The following TTLL11 variants were observed in gnomAD, a reference collection of about 807,000 sequenced individuals.
TTLL11 encodes tubulin tyrosine ligase like 11.
In TTLL11, 42 loss-of-function variants were observed where a neutral mutation model predicts 51.7. That is an observed-to-expected ratio of 0.81 (90% confidence interval 0.64 to 1.05). The LOEUF (loss-of-function observed/expected upper bound fraction) is 1.05, where lower values mean the gene tolerates loss of function less well. TTLL11 is among the 50% of genes least tolerant of loss of function. The pLI, the probability that TTLL11 is intolerant of heterozygous loss-of-function variation, is 0.00. For missense variants in TTLL11, 799 were observed against 940.4 expected, an observed-to-expected ratio of 0.85 and a Z score of 1.97; for synonymous variants, 381 against 383.5, an observed-to-expected ratio of 0.99 and a Z score of 0.08.
chr9:121,831,925 T>C (rs948528078), intron 8 of TTLL11, among the ~76,000 whole-genome samples: 6 of 152,044 alleles, frequency 3.9e-5, no homozygotes, highest in African/African-American at 7.2e-5. Context: ...AAGTCTGAGA[T>C]TGGGGTGCCA....
At chr9:121,908,113 A>G (rs1375618323) in intron 6 of TTLL11, among the ~76,000 whole-genome samples, 1 of 152,204 alleles carries the variant, frequency 6.6e-6, no homozygotes, top group Non-Finnish European at 1.5e-5. Flanking sequence ...AACATAAAGA[A>G]TGTGGAATGC....
intron 7 of TTLL11, among the ~76,000 whole-genome samples, chr9:121,864,777 A>T (rs141273786): frequency 6.6e-6 from 1 of 152,198 alleles, no homozygotes; most frequent in Non-Finnish European, 1.5e-5. Context: ...AGAATCACAA[A>T]TCATTTAAGT....
intron 6 of TTLL11, among the ~76,000 whole-genome samples, chr9:121,925,270 A>G (rs978590459): frequency 1.3e-5 from 2 of 152,252 alleles, no homozygotes; most frequent in African/African-American, 4.8e-5. Flanking sequence ...AGAGAAAGTG[A>G]CCAAATGTCA....
intron 2 of TTLL11, among the ~76,000 whole-genome samples, chr9:122,033,199 G>A (rs369033758): frequency 5.9e-5 from 9 of 152,130 alleles, no homozygotes; most frequent in African/African-American, 1.7e-4. Context: ...TGCAACCGCC[G>A]CCTCCTAGGT....
chr9:121,879,327 T>TG (rs1838687076), intron 6 of TTLL11, among the ~76,000 whole-genome samples: 2 of 152,242 alleles, frequency 1.3e-5, no homozygotes, highest in African/African-American at 2.4e-5. Flanking sequence ...CACTGCTCCT[T>TG]CTTGGGAAAC....
chr9:122,038,988 A>C (rs1272835218), intron 2 of TTLL11, among the ~76,000 whole-genome samples: 1 of 152,066 alleles, frequency 6.6e-6, no homozygotes, highest in Non-Finnish European at 1.5e-5. Context: ...TTATTTTTTC[A>C]TTTTCAGAAT....
intron 1 of TTLL11, among the ~76,000 whole-genome samples, chr9:122,071,700 C>A (rs1260884820): frequency 2.6e-5 from 4 of 152,238 alleles, no homozygotes; most frequent in Admixed American, 1.3e-4. Flanking sequence ...TCTGGTCAGG[C>A]CTGATCAGGT....
chr9:121,855,621 T>C (rs12375949), intron 8 of TTLL11, among the ~76,000 whole-genome samples: 78,817 of 152,012 alleles, frequency 0.52, 21,228 homozygotes, highest in East Asian at 0.72. Flanking sequence ...GTATGGGTGA[T>C]GATCCAGTCC....
At chr9:122,035,441 C>A (rs1844676282) in intron 2 of TTLL11, among the ~76,000 whole-genome samples, 1 of 152,180 alleles carries the variant, frequency 6.6e-6, no homozygotes, top group South Asian at 2.1e-4. Context: ...TGGGTCTCAC[C>A]CCATTCAAGT....
chr9:121,867,343 A>T (rs1382495007), intron 7 of TTLL11, among the ~76,000 whole-genome samples: 1 of 152,274 alleles, frequency 6.6e-6, no homozygotes, highest in African/African-American at 2.4e-5. Flanking sequence ...TAGACACGGG[A>T]TGTGCTCTCC....
rs1330999758 is a variant in TTLL11 at position 121,822,904 on chromosome 9, G to A, written c.1841-25C>T. On this transcript the variant is annotated intron_variant, in intron 8 of 8. Coordinates refer to ENST00000321582, the MANE Select transcript of TTLL11 (RefSeq NM_001139442.2). The surrounding 1 kb of genome is among the most constrained non-coding windows in gnomAD (Gnocchi z 5.8). ...CCTGTGAACAAAGAGACTGGATGAG[G>A]GGGTGCACACAGCTGCCCTACGCTG... is the stretch of plus-strand genomic sequence containing the variant. 3.3e-6 allele frequency: 5 copies of A among 1,535,506 alleles called. No homozygotes were observed. The highest frequency in any genetic ancestry group is 2.5e-5 in the South Asian group (2 of 81,492).
intron 3 of TTLL11, among the ~76,000 whole-genome samples, chr9:122,014,867 G>T (rs899785826): frequency 1.3e-5 from 2 of 152,156 alleles, no homozygotes; most frequent in African/African-American, 4.8e-5. Context: ...TGAATGAATG[G>T]TCACCTTCCT....
intron 6 of TTLL11, among the ~76,000 whole-genome samples, chr9:121,943,707 G>T (rs1206927853): frequency 6.6e-6 from 1 of 152,162 alleles, no homozygotes; most frequent in African/African-American, 2.4e-5. Flanking sequence ...ATGTCTCACT[G>T]TTCCCATCAC....
At chr9:121,913,631 G>A (rs1840222291) in intron 6 of TTLL11, among the ~76,000 whole-genome samples, 1 of 152,184 alleles carries the variant, frequency 6.6e-6, no homozygotes. Flanking sequence ...ATCTGTCTAG[G>A]ACTGTGTTTT....
intron 6 of TTLL11, among the ~76,000 whole-genome samples, chr9:121,933,709 A>C (rs1194605265): frequency 1.3e-5 from 2 of 150,726 alleles, no homozygotes; most frequent in Non-Finnish European, 2.9e-5. Context: ...AAAAAAAAGA[A>C]CATTACATTT....
intron 6 of TTLL11, among the ~76,000 whole-genome samples, chr9:121,943,462 C>G (rs1007639252): frequency 6.6e-6 from 1 of 152,200 alleles, no homozygotes; most frequent in Non-Finnish European, 1.5e-5. Context: ...ACCTCTCCCA[C>G]TTGTTAATGC....
At chr9:122,019,851 A>T in intron 3 of TTLL11, among the ~76,000 whole-genome samples, 1 of 152,310 alleles carries the variant, frequency 6.6e-6, no homozygotes, top group Admixed American at 6.5e-5. Flanking sequence ...AGTTTCCCCC[A>T]TACTGTTCTC....
Position 121,890,102 on chromosome 9 carries a change from T to C in TTLL11, c.1482-19354A>G, listed in dbSNP as rs143293703. The stretch of plus-strand genomic sequence containing the variant: ...TCATGGACATTGTAAATAATGCTGC[T>C]ATAAACAAGGTGAACAGGGCAAGTT... On this transcript the variant is annotated intron_variant, in intron 6 of 8. Transcript: ENST00000321582. The surrounding 1 kb of genome is among the most constrained non-coding windows in gnomAD (Gnocchi z 4.3). 1.0e-3 allele frequency among the ~76,000 whole-genome samples: 156 copies of C among 152,354 alleles called. No homozygotes were observed. Among genetic ancestry groups the C allele is most frequent in the African/African-American group, 3.5e-3 (145 of 41,586 alleles).
intron 6 of TTLL11, among the ~76,000 whole-genome samples, chr9:121,943,064 C>G (rs906242075): frequency 6.6e-6 from 1 of 152,132 alleles, no homozygotes; most frequent in South Asian, 2.1e-4. Flanking sequence ...CCTAATCACA[C>G]GATCGTGAAA....
Sources: allele counts gnomAD v4.1 joint callset (sites outside exome capture counted in the v4.1 genomes callset), GRCh38; gene constraint gnomAD v4.1.1; non-coding constraint Gnocchi (gnomAD v3.1); transcripts MANE v1.5; gene names NCBI Gene and HGNC (gene_info 2026-07-23, HGNC 2026-07-21).